PSD3: variants seen among roughly 807,000 people sequenced by gnomAD.
PSD3 encodes the protein pleckstrin and Sec7 domain containing 3, also known as PH and SEC7 domain-containing protein 3.
A neutral mutation model predicts 105.5 loss-of-function variants in PSD3; 49 were observed. The ratio of observed to expected loss-of-function variants is 0.46; its 90% CI spans 0.37 to 0.59. PSD3 has a LOEUF of 0.59. PSD3 is among the 20% of genes least tolerant of loss of function. PSD3 has a pLI of 0.00. For missense variants in PSD3, 1,561 were observed against 1,263.8 expected, an observed-to-expected ratio of 1.24 and a Z score of -3.57; for synonymous variants, 557 against 457.8, an observed-to-expected ratio of 1.22 and a Z score of -2.77.
At chr8:18,598,753 A>G (rs1804224144) in intron 12 of PSD3, among the ~76,000 whole-genome samples, 1 of 152,176 alleles carries the variant, frequency 6.6e-6, no homozygotes. Flanking sequence ...GCTAACAATG[A>G]ACAATCTGAA....
intron 1 of PSD3, among the ~76,000 whole-genome samples, chr8:18,998,248 G>A (rs970886293): frequency 1.3e-5 from 2 of 151,922 alleles, no homozygotes; most frequent in East Asian, 1.9e-4. Context: ...ACAAAGCTGC[G>A]CCAATTTGAT....
At chr8:18,770,557 C>A (rs778267440) in intron 8 of PSD3, among the ~76,000 whole-genome samples, 11 of 152,144 alleles carry the variant, frequency 7.2e-5, no homozygotes, top group Non-Finnish European at 1.2e-4. Context: ...CTGCTGTGTT[C>A]CACCCCTTGC....
chr8:18,913,092 C>CACACACACAA (rs1820353429), intron 2 of PSD3, among the ~76,000 whole-genome samples: 1 of 125,444 alleles, frequency 8.0e-6, no homozygotes, highest in Non-Finnish European at 1.9e-5. Context: ...CACAAACACA[C>CACACACACAA]ACACACACAC....
At chr8:18,983,216 T>A (rs1231799526) in intron 1 of PSD3, among the ~76,000 whole-genome samples, 1 of 152,230 alleles carries the variant, frequency 6.6e-6, no homozygotes, top group Non-Finnish European at 1.5e-5. Context: ...TCTACCTCTC[T>A]CAGCCAAGAA....
intron 9 of PSD3, among the ~76,000 whole-genome samples, chr8:18,669,723 T>C (rs1038772168): frequency 1.3e-5 from 2 of 152,380 alleles, no homozygotes; most frequent in Middle Eastern, 3.4e-3. Flanking sequence ...TTTTGGACGA[T>C]GTTTGATGGC....
At chr8:18,999,962 T>G (rs1385716973) in intron 1 of PSD3, 5 of 151,466 alleles carry the variant, frequency 3.3e-5, no homozygotes, top group Non-Finnish European at 7.4e-5. Context: ...CTATATTATC[T>G]TTACATAAGC....
In PSD3 at chr8:18,598,590, T is replaced by C. The variant is rs114139804; in HGVS notation, c.2481+1774A>G. 3.1e-3 allele frequency among the ~76,000 whole-genome samples: 473 copies of C among 152,232 alleles called. 4 individuals carry two copies. Among genetic ancestry groups the C allele is most frequent in the African/African-American group, 0.011 (445 of 41,556 alleles). On this transcript the variant is annotated intron_variant, in intron 12 of 15. Transcript: ENST00000327040. ...TGATGCAGGAAAGCGATGATATTAA[T>C]ATCCTTTCATGATTTGAAAAACCCT...
chr8:18,821,739 T>G (rs1308483784), intron 4 of PSD3, among the ~76,000 whole-genome samples: 2 of 92,132 alleles, frequency 2.2e-5, no homozygotes, highest in Non-Finnish European at 4.3e-5. Context: ...AAGCTCCAAT[T>G]CCAGGTGGCT....
chr8:18,608,472 T>C (rs556472954), intron 11 of PSD3, among the ~76,000 whole-genome samples: 11 of 152,288 alleles, frequency 7.2e-5, no homozygotes, highest in African/African-American at 1.2e-4. Context: ...ATTTCTGCAA[T>C]AGAAAAATTG....
At chr8:18,609,480 T>C (rs1805097980) in intron 11 of PSD3, among the ~76,000 whole-genome samples, 1 of 152,214 alleles carries the variant, frequency 6.6e-6, no homozygotes, top group South Asian at 2.1e-4. Context: ...CTAATATAAG[T>C]GAGACATCAT....
At chr8:18,559,426 C>A (rs549007535) in intron 14 of PSD3, among the ~76,000 whole-genome samples, 1 of 151,928 alleles carries the variant, frequency 6.6e-6, no homozygotes, top group South Asian at 2.1e-4. Context: ...ATTACTGGAC[C>A]CATTTTTCTA....
At chr8:18,607,329 C>T (rs1338126276) in intron 11 of PSD3, among the ~76,000 whole-genome samples, 1 of 152,128 alleles carries the variant, frequency 6.6e-6, no homozygotes, top group Admixed American at 6.5e-5. Context: ...AGTAATAGCA[C>T]AGCAAATGAT....
intron 9 of PSD3, among the ~76,000 whole-genome samples, chr8:18,682,003 CAAAAA>C (rs10612158): frequency 8.7e-6 from 1 of 115,510 alleles, no homozygotes; most frequent in African/African-American, 2.8e-5. Flanking sequence ...TTGCAATATT[CAAAAA>C]AAAAAAAAAA....
At chr8:18,750,513 G>C (rs1231942081) in intron 9 of PSD3, among the ~76,000 whole-genome samples, 1 of 152,140 alleles carries the variant, frequency 6.6e-6, no homozygotes, top group African/African-American at 2.4e-5. Flanking sequence ...TGGACCCAAA[G>C]AGTGAGCAGT....
rs1819370197 is a variant in PSD3 at position 18,899,578 on chromosome 8, T to TA, written c.131-26846dup. Among the ~76,000 whole-genome samples, 3 of 151,998 alleles carry TA rather than the reference T, an allele frequency of 2.0e-5. No individual in the cohort carries two copies. In the South Asian group the frequency reaches 6.2e-4, roughly 32 times the overall value. ...TGACCCCCTGATGTAGAAGCTGAAT[T>TA]AGAGATACTGTGTTTGGGGGCAAGC... is the stretch of plus-strand genomic sequence containing the variant. On this transcript the variant is annotated intron_variant, in intron 2 of 15. Coordinates refer to ENST00000327040, the MANE Select transcript of PSD3 (RefSeq NM_015310.4).
rs28859046 is a variant in PSD3, at chr8:18,896,909, C to A, written c.131-24176G>T. ...CACCACAACCTCCGCCTCCCAGGTT[C>A]AAGCAATTCTCCTACCTCAGCCTCC... On this transcript the variant is annotated intron_variant, in intron 2 of 15. Coordinates refer to ENST00000327040, the MANE Select transcript of PSD3 (RefSeq NM_015310.4). Among the ~76,000 whole-genome samples, 594 of 152,170 alleles carry A rather than the reference C, an allele frequency of 3.9e-3. 3 individuals carry two copies. The highest frequency in any genetic ancestry group is 0.014 in the African/African-American group (570 of 41,516).
chr8:18,761,816 G>A (rs1008895495), intron 9 of PSD3, among the ~76,000 whole-genome samples: 3 of 152,186 alleles, frequency 2.0e-5, no homozygotes, highest in African/African-American at 4.8e-5. Context: ...GGGATGGGTG[G>A]AGCCAGTAGA....
chr8:18,701,212 T>G (rs926242269), intron 9 of PSD3, among the ~76,000 whole-genome samples: 1 of 151,772 alleles, frequency 6.6e-6, no homozygotes, highest in Non-Finnish European at 1.5e-5. Context: ...CCAAGTGATC[T>G]TCCTGCCTTA....
intron 11 of PSD3, among the ~76,000 whole-genome samples, chr8:18,618,158 T>G (rs1478682700): frequency 6.6e-6 from 1 of 152,232 alleles, no homozygotes; most frequent in Non-Finnish European, 1.5e-5. Flanking sequence ...CAGATAAAGC[T>G]TAAGTCTTTC....
Sources: allele counts gnomAD v4.1 joint callset (sites outside exome capture counted in the v4.1 genomes callset), GRCh38; gene constraint gnomAD v4.1.1; transcripts MANE v1.5; gene names NCBI Gene and HGNC (gene_info 2026-07-23, HGNC 2026-07-21).